The following CALR3 variants were observed in gnomAD, a reference collection of about 807,000 sequenced individuals.
CALR3 encodes the protein calreticulin 3.
CALR3 carries 39 observed loss-of-function variants against 48.7 expected under a neutral mutation model. The ratio of observed to expected loss-of-function variants is 0.80; its 90% CI spans 0.62 to 1.05. CALR3 has a LOEUF of 1.05. Among genes scored for constraint, CALR3 ranks in the 50% least tolerant of loss-of-function variants. The pLI is 0.00. For synonymous variants in CALR3, 185 were observed against 172.7 expected (o/e 1.07, Z -0.56); for missense variants, 449 against 474.7 (o/e 0.95, Z 0.50).
At chr19:16,492,787 A>G (rs1182164804) in intron 2 of CALR3, among the ~76,000 whole-genome samples, 4 of 150,062 alleles carry the variant, frequency 2.7e-5, no homozygotes, top group Non-Finnish European at 4.4e-5. Flanking sequence ...GCGTGAACCC[A>G]GGAGGCAGAG....
At chr19:16,494,711 C>T (rs1313089443) in intron 2 of CALR3, among the ~76,000 whole-genome samples, 1 of 152,182 alleles carries the variant, frequency 6.6e-6, no homozygotes, top group African/African-American at 2.4e-5. Flanking sequence ...ACCCACTAAC[C>T]TTTTCCTTCT....
chr19:16,479,392 C>CGGCTAACA (rs764980174), intron 8 of CALR3, 118 bp from the exon 9 acceptor site: 28 of 1,115,324 alleles, frequency 2.5e-5, no homozygotes, highest in Non-Finnish European at 3.3e-5. Context: ...GAGACCATCC[C>CGGCTAACA]GGCTAACACG....
intron 3 of CALR3, among the ~76,000 whole-genome samples, chr19:16,487,360 A>G (rs1047014596): frequency 1.3e-5 from 2 of 150,520 alleles, no homozygotes; most frequent in Non-Finnish European, 2.9e-5. Context: ...GGCACCTGTA[A>G]CCCCAGCTAC....
At chr19:16,484,186 T>TC in intron 4 of CALR3, 71 bp from the exon 5 acceptor site, 1 of 1,450,666 alleles carries the variant, frequency 6.9e-7, no homozygotes, top group East Asian at 2.4e-5. Flanking sequence ...TTCTTTTTTT[T>TC]TTTTTTTTTG....
chr19:16,495,041 C>T (rs2093404331), intron 2 of CALR3, among the ~76,000 whole-genome samples: 1 of 151,822 alleles, frequency 6.6e-6, no homozygotes, highest in Non-Finnish European at 1.5e-5. Flanking sequence ...TTGAGTCCAG[C>T]CTGGGCAATG....
intron 5 of CALR3, among the ~76,000 whole-genome samples, chr19:16,483,230 T>A (rs184930684): frequency 1.3e-5 from 2 of 152,120 alleles, no homozygotes; most frequent in Non-Finnish European, 2.9e-5. Context: ...CCCTCTCCCT[T>A]CTTCAGTTTG....
chr19:16,480,576 A>G (rs772255276), intron 8 of CALR3, 38 bp downstream of exon 8: 2 of 1,433,748 alleles, frequency 1.4e-6, no homozygotes, highest in Non-Finnish European at 9.8e-7. Flanking sequence ...ACACAAATGA[A>G]ATAGTGATGT....
At position 16,479,179 on chromosome 19, in the gene CALR3, G is replaced by A; in HGVS notation, c.1107C>T (p.Asn369=). The A allele has an allele frequency of 1.2e-6, 2 of 1,614,142 alleles. No individual in the cohort carries two copies. The highest frequency in any genetic ancestry group is 1.1e-5 in the South Asian group (1 of 91,080). ...EEEELLSGKI[N]RHEHYFNQFH... ...ATTGATTGAAGTAATGTTCGTGCCTGTTAATTTTTCCCGACAGCAGCTCTT... is the reference window on the plus strand; with the variant it reads ...ATTGATTGAAGTAATGTTCGTGCCTATTAATTTTTCCCGACAGCAGCTCTT... Residue 369 remains asparagine, a synonymous_variant, in exon 9 of 9, where the codon AAC becomes AAT. Transcript: ENST00000269881.
At chr19:16,491,963 C>T (rs62118140) in intron 2 of CALR3, among the ~76,000 whole-genome samples, 98,190 of 151,310 alleles carry the variant, frequency 0.65, 32,208 homozygotes, top group South Asian at 0.75. Flanking sequence ...TGAGTAGCTG[C>T]GACTACAGGC....
chr19:16,491,494 G>C (rs1043804197), intron 2 of CALR3, among the ~76,000 whole-genome samples: 22 of 149,814 alleles, frequency 1.5e-4, no homozygotes, highest in African/African-American at 4.9e-4. Flanking sequence ...TAAATGAATG[G>C]ACTGCCAGGC....
chr19:16,484,270 T>C (rs1036345230), intron 4 of CALR3, among the ~76,000 whole-genome samples, 155 bp from the exon 5 acceptor site: 1 of 147,564 alleles, frequency 6.8e-6, no homozygotes, highest in South Asian at 2.2e-4. Flanking sequence ...CTCCACCTCC[T>C]GAGTTCAAGC....
At chr19:16,489,857 CAAACAAACAAAA>C (rs1440340651) in intron 3 of CALR3, among the ~76,000 whole-genome samples, 106 of 136,154 alleles carry the variant, frequency 7.8e-4, no homozygotes, top group Admixed American at 3.2e-3. Context: ...AAAACAAAAA[CAAACAAACAAAA>C]AAACTACACA....
At chr19:16,490,609 G>A (rs754249395) in intron 2 of CALR3, 39 bp from the exon 3 acceptor site, 5 of 1,548,612 alleles carry the variant, frequency 3.2e-6, no homozygotes, top group African/African-American at 2.7e-5. Context: ...CAGGAATGAC[G>A]CTGCGCTAAG....
Position 16,495,838 on chromosome 19 carries a change from G to C in CALR3, c.106C>G (p.Arg36Gly), listed in dbSNP as rs1313904577. The C allele has an allele frequency of 6.2e-7, 1 of 1,614,054 alleles. No homozygotes were observed. The highest frequency in any genetic ancestry group is 2.2e-5 in the East Asian group (1 of 44,884). The change falls in exon 2 of 9, where the codon CGA (arginine) becomes GGA (glycine). Residue 36 changes from arginine (R) to glycine (G), a missense_variant. Coordinates refer to ENST00000269881, the MANE Select transcript of CALR3 (RefSeq NM_145046.5). Reference sequence around the variant, plus strand: ...GAGTCATTGGTGGACTGCAACCATCGGTTTCTCCAATGCTCTGTGGGGAAG... The same window carrying C: ...GAGTCATTGGTGGACTGCAACCATCCGTTTCTCCAATGCTCTGTGGGGAAG... ...EFLDGEHWRN[R>G]WLQSTNDSRF...
intron 3 of CALR3, among the ~76,000 whole-genome samples, chr19:16,489,486 G>A (rs551541250): frequency 5.9e-5 from 9 of 152,140 alleles, no homozygotes; most frequent in Non-Finnish European, 8.8e-5. Flanking sequence ...GGGCATGGTG[G>A]TGCATGCCGG....
rs1327958265 is a variant in CALR3 at position 16,490,461 on chromosome 19, C to T, written c.303G>A (p.Gln101=). The T allele has an allele frequency of 6.2e-7, 1 of 1,614,196 alleles. No homozygotes were observed. Reference sequence around the variant, plus strand: ...TGTAGCCCCCTCCACAGTCCATCTTCTGCTCATGTTTTACTGTGTACTGAA... The same window carrying T: ...TGTAGCCCCCTCCACAGTCCATCTTTTGCTCATGTTTTACTGTGTACTGAA... The part of the protein sequence containing the change: ...LVIQYTVKHE[Q]KMDCGGGYIK... Residue 101 remains glutamine, a synonymous_variant, in exon 3 of 9, where the codon CAG becomes CAA. Transcript: ENST00000269881.
chr19:16,482,340 C>A, intron 7 of CALR3, 110 bp downstream of exon 7: 2 of 1,483,138 alleles, frequency 1.3e-6, no homozygotes, highest in Non-Finnish European at 1.8e-6. Context: ...GATGGTGCCA[C>A]TGCACTCCAG....
intron 7 of CALR3, among the ~76,000 whole-genome samples, chr19:16,481,620 T>A (rs1005961407): frequency 6.6e-6 from 1 of 151,906 alleles, no homozygotes; most frequent in Admixed American, 6.6e-5. Flanking sequence ...TGCCTCACCC[T>A]CCTGAGTAGC....
chr19:16,490,783 A>C (rs2093396671), intron 2 of CALR3, among the ~76,000 whole-genome samples: 1 of 151,512 alleles, frequency 6.6e-6, no homozygotes, highest in African/African-American at 2.4e-5. Context: ...TTTGACATGG[A>C]GTCTCACTCT....
Sources: gnomAD v4.1 joint callset for allele counts (sites outside exome capture counted in the v4.1 genomes callset) on GRCh38, gnomAD v4.1.1 for gene constraint, MANE v1.5 for transcripts, NCBI Gene and HGNC (gene_info 2026-07-23, HGNC 2026-07-21) for gene names.